The following TUBA1C variants were observed in gnomAD, a reference collection of about 807,000 sequenced individuals.
TUBA1C encodes tubulin alpha 1c, also known as tubulin alpha-1C chain.
Under a neutral mutation model 34.9 loss-of-function variants are expected in TUBA1C, and 16 were observed. The ratio of observed to expected loss-of-function variants is 0.46; its 90% CI spans 0.31 to 0.70. The LOEUF (loss-of-function observed/expected upper bound fraction) is 0.70. Among genes scored for constraint, TUBA1C ranks in the 30% least tolerant of loss-of-function variants. TUBA1C has a pLI of 0.05. For synonymous variants in TUBA1C, 177 were observed against 215.9 expected (o/e 0.82, Z 1.58); for missense variants, 329 against 587.3 (o/e 0.56, Z 4.55).
At chr12:49,270,173 T>C (rs1372990281) in intron 3 of TUBA1C, 197 bp downstream of exon 3, 2 of 1,167,614 alleles carry the variant, frequency 1.7e-6, no homozygotes, top group Non-Finnish European at 1.2e-6. Context: ...AAGTAAGTGC[T>C]CTTTAGCCTA....
chr12:49,233,893 T>C (rs1404177499), intron 1 of TUBA1C: 4 of 152,272 alleles, frequency 2.6e-5, no homozygotes, highest in Non-Finnish European at 4.4e-5. Context: ...AGAGGGAAGC[T>C]GAGCTCTGGC....
rs192154754 is a variant in TUBA1C at position 49,272,356 on chromosome 12, A to G, written c.479A>G (p.Asp160Gly). ...TSLLMERLSV[D>G]YGKKSKLEFS... is the part of the protein sequence containing the mutation. ...CTGCTCATGGAACGTCTCTCAGTTG[A>G]TTATGGCAAGAAGTCCAAGCTGGAG... is the stretch of plus-strand genomic sequence containing the variant. Residue 160 changes from aspartate to glycine, a missense_variant, in exon 4 of 4, where the codon GAT becomes GGT. By Grantham distance (94) the Asp-to-Gly change is moderately conservative (BLOSUM62 -1). This residue lies in a region of TUBA1C where 152 missense variants were observed against 240.3 expected (regional missense o/e 0.63). Transcript: ENST00000301072. 5.0e-6 allele frequency: 8 copies of G among 1,613,984 alleles called. No individual in the cohort carries two copies. The Admixed American group carries it at 1.2e-4, about 24-fold the overall frequency.
At chr12:49,267,057 C>T (rs1482881100) in intron 1 of TUBA1C, among the ~76,000 whole-genome samples, 2 of 152,142 alleles carry the variant, frequency 1.3e-5, no homozygotes, top group African/African-American at 4.8e-5. Context: ...GTAAGAGCTG[C>T]TTATCCAGTT....
intron 1 of TUBA1C, chr12:49,234,070 G>C (rs1334565938): frequency 6.6e-6 from 1 of 152,294 alleles, no homozygotes; most frequent in Admixed American, 6.5e-5. Flanking sequence ...AGAGGCTCCT[G>C]TCAAATGGGT....
chr12:49,246,990 A>T (rs964175233), intron 1 of TUBA1C, among the ~76,000 whole-genome samples: 4 of 151,086 alleles, frequency 2.6e-5, no homozygotes, highest in African/African-American at 9.7e-5. Context: ...AAATACAAAA[A>T]TTAGCCAGGC....
chr12:49,268,824 GGACCA>G (rs920210066), intron 1 of TUBA1C, among the ~76,000 whole-genome samples: 64 of 152,242 alleles, frequency 4.2e-4, no homozygotes, highest in African/African-American at 1.4e-3. Context: ...GATTAAAGCG[GGACCA>G]GAATGAGCTC....
chr12:49,239,702 T>C (rs1378305541), intron 1 of TUBA1C, among the ~76,000 whole-genome samples: 1 of 151,508 alleles, frequency 6.6e-6, no homozygotes, highest in Admixed American at 6.6e-5. Flanking sequence ...CGTACTCCTG[T>C]AGTCCCAGCT....
At chr12:49,235,647 G>A (rs1183841094) in intron 1 of TUBA1C, among the ~76,000 whole-genome samples, 1 of 151,250 alleles carries the variant, frequency 6.6e-6, no homozygotes, top group Non-Finnish European at 1.5e-5. Context: ...AGGCAGAATT[G>A]CTTGAACCTG....
chr12:49,249,266 A>C lies in TUBA1C; in HGVS notation c.214-20199A>C, dbSNP rs150312715. On this transcript the variant is annotated intron_variant, in intron 1 of 3. Transcript: ENST00000541364. Reference sequence around the variant, plus strand: ...AACATAGACAAACCCCGTCTCCACTAAAAATACAAAATTAGCCGGGTGTGG... The same window carrying C: ...AACATAGACAAACCCCGTCTCCACTCAAAATACAAAATTAGCCGGGTGTGG... Among the ~76,000 whole-genome samples, 1,352 of 151,832 alleles carry C rather than the reference A, an allele frequency of 8.9e-3. 12 individuals carry two copies. Among genetic ancestry groups the C allele is most frequent in the South Asian group, 0.022 (106 of 4,806 alleles).
intron 2 of TUBA1C, 70 bp downstream of exon 2, chr12:49,269,757 C>T: frequency 6.2e-7 from 1 of 1,613,330 alleles, no homozygotes; most frequent in Non-Finnish European, 8.5e-7. Context: ...TGGGGGGGCT[C>T]CGCTGGTCAC....
At chr12:49,258,313 C>T (rs925216819) in intron 1 of TUBA1C, among the ~76,000 whole-genome samples, 4 of 152,166 alleles carry the variant, frequency 2.6e-5, no homozygotes, top group South Asian at 4.1e-4. Flanking sequence ...GTGGCTCCCA[C>T]CTGTAATCCC....
At chr12:49,272,119 C>CGCCT in intron 3 of TUBA1C, 134 bp from the exon 4 acceptor site, 2 of 1,452,042 alleles carry the variant, frequency 1.4e-6, no homozygotes, top group Non-Finnish European at 1.8e-6. Context: ...TGAGCCACTG[C>CGCCT]GCCTGGCCCA....
At chr12:49,252,464 A>G (rs1942740465) in intron 1 of TUBA1C, among the ~76,000 whole-genome samples, 1 of 152,178 alleles carries the variant, frequency 6.6e-6, no homozygotes, top group South Asian at 2.1e-4. Flanking sequence ...TTCTTTTCTG[A>G]CTGCTTCTAT....
chr12:49,252,179 C>T (rs551192305), intron 1 of TUBA1C, among the ~76,000 whole-genome samples: 1 of 152,270 alleles, frequency 6.6e-6, no homozygotes, highest in South Asian at 2.1e-4. Flanking sequence ...TGGCAGAAAC[C>T]AGATGCACAG....
chr12:49,255,405 A>AATATATATATATATATATATATATAT (rs142218984), intron 1 of TUBA1C, among the ~76,000 whole-genome samples: 1 of 141,314 alleles, frequency 7.1e-6, no homozygotes, highest in African/African-American at 2.6e-5. Context: ...ATCTTTAAAA[A>AATATATATATATATATATATATATAT]ATATATATAT....
In TUBA1C at chr12:49,273,529, T is replaced by A. The variant is rs1229762838; in HGVS notation, c.*302T>A. On this transcript the variant is annotated 3_prime_UTR_variant, in exon 4 of 4. Transcript: ENST00000301072. ...TTCAGCCTCCTAAGTAGCTGGGGAC[T>A]GCAGGTGCACACCACCATGCCCAGC... is the stretch of plus-strand genomic sequence containing the variant. The A allele has an allele frequency of 1.6e-5, 7 of 435,782 alleles. No homozygotes were observed. Among genetic ancestry groups the A allele is most frequent in the Non-Finnish European group, 2.5e-5 (6 of 235,730 alleles). The allele number at this position is 435,782 out of a possible 1,614,324, so 27.0% of individuals were successfully genotyped here.
chr12:49,228,826 T>A (rs552300120), intron 1 of TUBA1C, among the ~76,000 whole-genome samples: 84 of 152,288 alleles, frequency 5.5e-4, no homozygotes, highest in Non-Finnish European at 5.9e-5. Flanking sequence ...TGGCTTTTCC[T>A]ATGCGTTATC....
rs1237796624 is a variant in TUBA1C, at chr12:49,274,319, G to C, written c.*1092G>C. 1 of 93,702 alleles carries C rather than the reference G, an allele frequency of 1.1e-5. No homozygotes were observed. Among genetic ancestry groups the C allele is most frequent in the Non-Finnish European group, 1.9e-5 (1 of 52,186 alleles). The allele number at this position is 93,702 out of a possible 1,614,324, so 5.8% of individuals were successfully genotyped here. On this transcript the variant is annotated 3_prime_UTR_variant, in exon 4 of 4. Transcript: ENST00000301072. ...TTTTTTTTTTTTTTTTTTTTTGGTAGAGATGGGGTTTTGCCATGTTGCTTA... is the reference window on the plus strand; with the variant it reads ...TTTTTTTTTTTTTTTTTTTTTGGTACAGATGGGGTTTTGCCATGTTGCTTA...
At chr12:49,267,514 G>C (rs3759170) in intron 1 of TUBA1C, among the ~76,000 whole-genome samples, 4,828 of 152,208 alleles carry the variant, frequency 0.032, 107 homozygotes, top group African/African-American at 0.061. Flanking sequence ...CGAAAATAAG[G>C]CAGGCATGGT....
Sources: allele counts gnomAD v4.1 joint callset (sites outside exome capture counted in the v4.1 genomes callset), GRCh38; gene constraint gnomAD v4.1.1; regional missense constraint gnomAD v4.1.1; transcripts MANE v1.5; gene names NCBI Gene and HGNC (gene_info 2026-07-23, HGNC 2026-07-21).